KIF13A: variants seen among roughly 807,000 people sequenced by gnomAD.
KIF13A encodes kinesin-like protein KIF13A.
KIF13A carries 79 observed loss-of-function variants against 212.2 expected under a neutral mutation model. That is an observed-to-expected ratio of 0.37 (90% CI 0.31 to 0.45). The LOEUF is 0.45. Ranked by LOEUF, KIF13A falls within the 20% of genes least tolerant of loss-of-function variation. The pLI, the probability that KIF13A is intolerant of heterozygous loss-of-function variation, is 1.00. For missense variants in KIF13A, 1,901 were observed against 2,209.0 expected (o/e 0.86, Z 2.79); for synonymous variants, 789 against 808.6 (o/e 0.98, Z 0.41).
chr6:17,774,738 A>T (rs1581873298), intron 35 of KIF13A, among the ~76,000 whole-genome samples: 3 of 150,916 alleles, frequency 2.0e-5, no homozygotes, highest in South Asian at 2.1e-4. Flanking sequence ...ATGCCACTGC[A>T]CTCCAGCCTG....
chr6:17,837,066 T>C lies in KIF13A; in HGVS notation c.967A>G (p.Thr323Ala). The C allele has an allele frequency of 6.2e-7, 1 of 1,613,868 alleles. No homozygotes were observed. Among genetic ancestry groups the C allele is most frequent in the Non-Finnish European group, 8.5e-7 (1 of 1,179,840 alleles). The change falls in exon 11 of 39, where the codon ACC becomes GCC. Residue 323 changes from threonine (T) to alanine (A), a missense_variant. Transcript: ENST00000259711. This position sits in a 1 kb window ranked among gnomAD's most constrained non-coding sequence, Gnocchi z 5.4. ...GGGCTGATTGTGGCTATCATAGAGG[T>C]TTGGCTGTTGCCCCCCAAGTTGTCC... ...LKDNLGGNSQTSMIATISPAA... is the reference protein window; with the variant it reads ...LKDNLGGNSQASMIATISPAA...
chr6:17,917,409 T>C (rs2150514460), intron 2 of KIF13A, among the ~76,000 whole-genome samples: 1 of 151,758 alleles, frequency 6.6e-6, no homozygotes, highest in East Asian at 1.9e-4. Context: ...CCCAGCTAAC[T>C]TTTGTATTTT....
intron 6 of KIF13A, among the ~76,000 whole-genome samples, chr6:17,853,224 C>T (rs373988847): frequency 5.3e-5 from 8 of 152,180 alleles, no homozygotes; most frequent in South Asian, 2.1e-4. Flanking sequence ...ATTTTAAAGA[C>T]GAAGAATTCA....
chr6:17,804,175 A>AAAC, intron 20 of KIF13A, among the ~76,000 whole-genome samples, 186 bp downstream of exon 20: 1 of 104,158 alleles, frequency 9.6e-6, no homozygotes, highest in Admixed American at 9.3e-5. Context: ...AACAAACAAA[A>AAAC]CCATGACTTA....
Position 17,779,082 on chromosome 6 carries a change from C to T in KIF13A, c.3957G>A (p.Glu1319=), listed in dbSNP as rs768370445. 19 of 1,613,448 alleles carry T rather than the reference C, an allele frequency of 1.2e-5. No individual in the cohort carries two copies. In the Admixed American group the frequency reaches 3.2e-4, roughly 27 times the overall value. The part of the protein sequence containing the change: ...SNIPKATEEI[E]DRETLALLAA... ...CCAGGAGAGCCAGCGTTTCCCGGTC[C>T]TCTATCTCCTCAGTTGCCTACGAGG... The change falls in exon 33 of 39, where the codon GAG becomes GAA. Residue 1319 remains glutamate, a synonymous_variant. Transcript: ENST00000259711.
chr6:17,870,248 G>A (rs532988586), intron 4 of KIF13A, among the ~76,000 whole-genome samples: 1 of 152,286 alleles, frequency 6.6e-6, no homozygotes, highest in African/African-American at 2.4e-5. Flanking sequence ...TGAGCTGGCA[G>A]AAGCCAATTT....
Position 17,772,082 on chromosome 6 carries a change from A to G in KIF13A, c.4325-23T>C. 6.2e-7 allele frequency: 1 copy of G among 1,612,220 alleles called. No homozygotes were observed. Among genetic ancestry groups the G allele is most frequent in the South Asian group, 1.1e-5 (1 of 91,042 alleles). ...AACCTAGGGAAGATGAGAAGTTATG[A>G]GGTTACAGATGCTGAACACTTTAAG... On this transcript the variant is annotated intron_variant, in intron 36 of 38. Transcript: ENST00000259711. This position sits in a 1 kb window ranked among gnomAD's most constrained non-coding sequence, Gnocchi z 4.8.
intron 32 of KIF13A, 43 bp from the exon 33 acceptor site, chr6:17,779,142 A>G (rs1448401857): frequency 6.4e-7 from 1 of 1,569,608 alleles, no homozygotes. Flanking sequence ...GATGTGAACA[A>G]CGTTTTCATC....
rs1771600126 is a variant in KIF13A at position 17,886,925 on chromosome 6, G to C, written c.159+11243C>G. 6.6e-6 allele frequency among the ~76,000 whole-genome samples: 1 copy of C among 152,030 alleles called. No homozygotes were observed. Reference sequence around the variant, plus strand: ...AAAAGTCTTGGGAAATTTTTAGAAGGATGATTTATAATGACAAAGTGTGGT... The same window carrying C: ...AAAAGTCTTGGGAAATTTTTAGAAGCATGATTTATAATGACAAAGTGTGGT... On this transcript the variant is annotated intron_variant, in intron 3 of 38. Coordinates refer to ENST00000259711, the MANE Select transcript of KIF13A (RefSeq NM_022113.6). The surrounding 1 kb of genome is among the most constrained non-coding windows in gnomAD (Gnocchi z 5.6).
intron 2 of KIF13A, among the ~76,000 whole-genome samples, chr6:17,975,309 T>C (rs967075319): frequency 2.6e-5 from 4 of 151,710 alleles, no homozygotes; most frequent in East Asian, 1.9e-4. Flanking sequence ...GCTGAGACTG[T>C]GTTCCGAATT....
intron 2 of KIF13A, among the ~76,000 whole-genome samples, chr6:17,932,626 G>A (rs770455921): frequency 5.9e-5 from 9 of 152,022 alleles, no homozygotes; most frequent in Non-Finnish European, 1.0e-4. Context: ...TGACACACCG[G>A]AACTGTCACC....
intron 18 of KIF13A, among the ~76,000 whole-genome samples, chr6:17,806,283 G>A (rs1026479611): frequency 2.0e-5 from 3 of 152,076 alleles, no homozygotes; most frequent in Admixed American, 2.0e-4. Flanking sequence ...GCATTTGGAT[G>A]TACTATACAT....
Position 17,789,795 on chromosome 6 carries a change from C to T in KIF13A, c.3261+77G>A. On this transcript the variant is annotated intron_variant, in intron 26 of 38. Transcript: ENST00000259711. The surrounding 1 kb of genome is among the most constrained non-coding windows in gnomAD (Gnocchi z 4.8). The stretch of plus-strand genomic sequence containing the variant: ...GCTCTAGGGCCCTCCTTCCTCCTCC[C>T]TGGCCTCTGCTTTGCGAATGCTGGC... The T allele has an allele frequency of 2.4e-6, 3 of 1,265,216 alleles. No homozygotes were observed. The highest frequency in any genetic ancestry group is 3.4e-6 in the Non-Finnish European group (3 of 873,520). The allele number at this position is 1,265,216 out of a possible 1,614,324, so 78.4% of individuals were successfully genotyped here. A position where few individuals can be genotyped will look rare whatever the true frequency, so the allele number is the denominator to read the frequency against.
chr6:17,976,446 TGCCCGGGGCCGG>T (rs1176965685), intron 2 of KIF13A, among the ~76,000 whole-genome samples: 1 of 152,130 alleles, frequency 6.6e-6, no homozygotes, highest in Non-Finnish European at 1.5e-5. Flanking sequence ...AGCCCTTCAT[TGCCCGGGGCCGG>T]CAAGGCCGGC....
rs1775473965 is a variant in KIF13A, at chr6:17,926,087, G to A, written c.147-27907C>T. On this transcript the variant is annotated intron_variant, in intron 2 of 38. Coordinates refer to ENST00000259711, the MANE Select transcript of KIF13A (RefSeq NM_022113.6). This position sits in a 1 kb window ranked among gnomAD's most constrained non-coding sequence, Gnocchi z 4.3. ...TCTTATAATGAAGATGTCAGAACCA[G>A]ACATATAATTAAAGTAGTCATCATG... Among the ~76,000 whole-genome samples, 1 of 152,092 alleles carries A rather than the reference G, an allele frequency of 6.6e-6. No individual in the cohort carries two copies. The highest frequency in any genetic ancestry group is 6.6e-5 in the Admixed American group (1 of 15,260).
At position 17,828,320 on chromosome 6, in the gene KIF13A, G is replaced by T; in HGVS notation, c.1452C>A (p.Gly484=). The T allele has an allele frequency of 6.2e-7, 1 of 1,611,124 alleles. No individual in the cohort carries two copies. Residue 484 remains glycine, a synonymous_variant, in exon 14 of 39, where the codon GGC becomes GGA. Coordinates refer to ENST00000259711, the MANE Select transcript of KIF13A (RefSeq NM_022113.6). This position sits in a 1 kb window ranked among gnomAD's most constrained non-coding sequence, Gnocchi z 4.3. ...ADTSQDIQLF[G]IGIQPQHCEI... ...CACAGTGCTGAGGCTGAATTCCTAT[G>T]CCAAAAAGCTGGATATCTTGAGAGG...
rs1781663152 is a variant in KIF13A at position 17,987,306 on chromosome 6, C to A, written c.55+103G>T. ...GCGCGGACGCCGCCTCCGCCCCGGC[C>A]CCCCGGCCCCGGCCGCGCTCTCGCC... On this transcript the variant is annotated intron_variant, in intron 1 of 38. Coordinates refer to ENST00000259711, the MANE Select transcript of KIF13A (RefSeq NM_022113.6). This position sits in a 1 kb window ranked among gnomAD's most constrained non-coding sequence, Gnocchi z 7.7. The A allele has an allele frequency of 5.3e-6, 5 of 936,142 alleles. No homozygotes were observed. The highest frequency in any genetic ancestry group is 6.9e-6 in the Non-Finnish European group (5 of 724,198). 58.0% of individuals were successfully genotyped at this position (936,142 alleles called of 1,614,324 possible). A position where few individuals can be genotyped will look rare whatever the true frequency, so the allele number is the denominator to read the frequency against.
At position 17,838,982 on chromosome 6, in the gene KIF13A, G is replaced by C. The variant is rs555792398; in HGVS notation, c.831-1399C>G. Among the ~76,000 whole-genome samples, 2 of 152,236 alleles carry C rather than the reference G, an allele frequency of 1.3e-5. No individual in the cohort carries two copies. The highest frequency in any genetic ancestry group is 2.9e-5 in the Non-Finnish European group (2 of 68,018). On this transcript the variant is annotated intron_variant, in intron 9 of 38. Coordinates refer to ENST00000259711, the MANE Select transcript of KIF13A (RefSeq NM_022113.6). The surrounding 1 kb of genome is among the most constrained non-coding windows in gnomAD (Gnocchi z 4.2). ...TTACAGGCGCCCGCCACCACATCTG[G>C]CTGATTTTTGTATTTTTAGTAGAGA...
At chr6:17,906,660 G>C (rs1773530192) in intron 2 of KIF13A, among the ~76,000 whole-genome samples, 1 of 151,910 alleles carries the variant, frequency 6.6e-6, no homozygotes, top group African/African-American at 2.4e-5. Context: ...ATATTGTCCA[G>C]GCTGGTCTCG....
Sources: allele counts gnomAD v4.1 joint callset (sites outside exome capture counted in the v4.1 genomes callset), GRCh38; gene constraint gnomAD v4.1.1; non-coding constraint Gnocchi (gnomAD v3.1); transcripts MANE v1.5; gene names NCBI Gene and HGNC (gene_info 2026-07-23, HGNC 2026-07-21).